The following ZNF678 variants were observed in gnomAD, a reference collection of about 807,000 sequenced individuals.
ZNF678 encodes the protein zinc finger protein 678, also known as hypothetical protein MGC42493.
In ZNF678, 5 loss-of-function variants were observed where a neutral mutation model predicts 3.0. The observed-to-expected ratio is 1.69, with a 90% CI of 0.88 to 3.56. ZNF678 has a LOEUF of 3.56. Among genes scored for constraint, ZNF678 ranks in the 30% most tolerant of loss-of-function variants. The pLI is 0.00. For synonymous variants in ZNF678, 218 were observed against 199.6 expected (o/e 1.09, Z -0.78); for missense variants, 593 against 605.0 (o/e 0.98, Z 0.21).
At chr1:227,571,401 C>T (rs1383424553) in intron 1 of ZNF678, among the ~76,000 whole-genome samples, 1 of 152,112 alleles carries the variant, frequency 6.6e-6, no homozygotes, top group Non-Finnish European at 1.5e-5. Flanking sequence ...TCCATGTTGA[C>T]TGTATTTTTA....
At chr1:227,583,094 A>G (rs11582235) in intron 1 of ZNF678, among the ~76,000 whole-genome samples, 4,615 of 152,094 alleles carry the variant, frequency 0.03, 110 homozygotes, top group Non-Finnish European at 0.044. Flanking sequence ...TATTTTACTT[A>G]TTATGTATCC....
At chr1:227,590,038 TG>T (rs1174038103) in intron 1 of ZNF678, among the ~76,000 whole-genome samples, 2 of 151,848 alleles carry the variant, frequency 1.3e-5, no homozygotes, top group African/African-American at 4.8e-5. Context: ...TGAAGCATTC[TG>T]GTGAACTAGA....
rs79145640 is a variant in ZNF678 at position 227,646,527 on chromosome 1, ATT to A, written c.-163-13_-163-12del. ...TGGCACATTTTGTAAATACGTGTGT[ATT>A]TTTCCCCCCCCCAGGGACTACTGGC... is the stretch of plus-strand genomic sequence containing the variant. On this transcript the variant is annotated splice_polypyrimidine_tract_variant and intron_variant, in intron 1 of 3. Coordinates refer to ENST00000343776, the MANE Select transcript of ZNF678 (RefSeq NM_001367909.1). 44 of 1,322,774 alleles carry A rather than the reference ATT, an allele frequency of 3.3e-5. No individual in the cohort carries two copies. In the African/African-American group the frequency reaches 7.1e-4, roughly 21 times the overall value. 81.9% of individuals were successfully genotyped at this position (1,322,774 alleles called of 1,614,324 possible).
intron 1 of ZNF678, among the ~76,000 whole-genome samples, chr1:227,646,119 A>G (rs149706886): frequency 0.011 from 1,690 of 152,326 alleles, 12 homozygotes; most frequent in Non-Finnish European, 0.017. Flanking sequence ...TCAAAATTCA[A>G]AAAGTCAGGT....
chr1:227,643,329 A>G (rs1004283264), intron 1 of ZNF678, among the ~76,000 whole-genome samples: 1 of 152,230 alleles, frequency 6.6e-6, no homozygotes, highest in African/African-American at 2.4e-5. Flanking sequence ...AGGTTACAGA[A>G]TAGAGAATTG....
intron 1 of ZNF678, among the ~76,000 whole-genome samples, chr1:227,604,693 T>C (rs1159734121): frequency 6.6e-6 from 1 of 152,178 alleles, no homozygotes; most frequent in Non-Finnish European, 1.5e-5. Context: ...CCGGCCTCCC[T>C]GAAGTTTTGA....
chr1:227,659,170 T>G lies in ZNF678; in HGVS notation c.*3342T>G, dbSNP rs1017475134. ...AAATTTAATTTAAATTTCTAAATGC[T>G]TCTGTGGATTTAAATTTTGGAATAA... On this transcript the variant is annotated 3_prime_UTR_variant, in exon 4 of 4. Coordinates refer to ENST00000343776, the MANE Select transcript of ZNF678 (RefSeq NM_001367909.1). 7.2e-5 allele frequency: 11 copies of G among 152,142 alleles called. No homozygotes were observed. Among genetic ancestry groups the G allele is most frequent in the African/African-American group, 2.4e-4 (10 of 41,446 alleles). 9.4% of individuals were successfully genotyped at this position (152,142 alleles called of 1,614,324 possible).
rs566635007 is a variant in ZNF678, at chr1:227,592,277, C to G, written c.-164+28553C>G. Among the ~76,000 whole-genome samples the G allele has an allele frequency of 5.3e-5, 8 of 152,312 alleles. No homozygotes were observed. In the East Asian group the frequency reaches 1.3e-3, roughly 26 times the overall value. On this transcript the variant is annotated intron_variant, in intron 1 of 3. Coordinates refer to ENST00000343776, the MANE Select transcript of ZNF678 (RefSeq NM_001367909.1). ...GATGTCCTTTGGTATTTATTAAAGTCACCACAGCATGGGGGGATTTTAGGT... is the reference window on the plus strand; with the variant it reads ...GATGTCCTTTGGTATTTATTAAAGTGACCACAGCATGGGGGGATTTTAGGT...
intron 1 of ZNF678, among the ~76,000 whole-genome samples, chr1:227,566,638 T>A (rs571254719): frequency 6.6e-6 from 1 of 152,360 alleles, no homozygotes; most frequent in South Asian, 2.1e-4. Context: ...TCCCTGAGTT[T>A]GTCACCTTAA....
chr1:227,672,456 G>A (rs989769051), intron 5 of ZNF678, among the ~76,000 whole-genome samples: 2 of 152,092 alleles, frequency 1.3e-5, no homozygotes. Flanking sequence ...AAAGAAAACA[G>A]AGGGGCAGAG....
At chr1:227,637,807 G>A (rs61322441) in intron 1 of ZNF678, among the ~76,000 whole-genome samples, 32,011 of 152,074 alleles carry the variant, frequency 0.21, 3,496 homozygotes, top group East Asian at 0.28. Flanking sequence ...TTTCTTGCTT[G>A]GTTTGCGGAG....
intron 2 of ZNF678, 70 bp downstream of exon 2, chr1:227,646,740 GTT>G (rs1658969815): frequency 6.2e-6 from 8 of 1,282,232 alleles, no homozygotes; most frequent in South Asian, 2.6e-5. Flanking sequence ...CTCCTGAAAT[GTT>G]ACCTGAGAGT....
intron 1 of ZNF678, among the ~76,000 whole-genome samples, chr1:227,606,667 C>T (rs866096672): frequency 6.6e-6 from 1 of 152,134 alleles, no homozygotes; most frequent in Non-Finnish European, 1.5e-5. Flanking sequence ...CTCAGGCTGT[C>T]TCAGTGGCGG....
chr1:227,646,801 T>G, intron 2 of ZNF678, 131 bp downstream of exon 2: 1 of 828,662 alleles, frequency 1.2e-6, no homozygotes, highest in Non-Finnish European at 1.7e-6. Flanking sequence ...AAGGAAAACT[T>G]GGGAATTTGT....
Position 227,657,484 on chromosome 1 carries a change from A to G in ZNF678, c.*1656A>G, listed in dbSNP as rs1659280459. 1 of 151,978 alleles carries G rather than the reference A, an allele frequency of 6.6e-6. No individual in the cohort carries two copies. The highest frequency in any genetic ancestry group is 1.5e-5 in the Non-Finnish European group (1 of 67,912). 9.4% of individuals were successfully genotyped at this position (151,978 alleles called of 1,614,324 possible). ...AAATACTGGACAATGATACTCTTATATAATCTTCAGTATAACCATTATAAT... is the reference window on the plus strand; with the variant it reads ...AAATACTGGACAATGATACTCTTATGTAATCTTCAGTATAACCATTATAAT... On this transcript the variant is annotated 3_prime_UTR_variant, in exon 4 of 4. Coordinates refer to ENST00000343776, the MANE Select transcript of ZNF678 (RefSeq NM_001367909.1).
At chr1:227,578,401 A>G (rs768149448) in intron 1 of ZNF678, among the ~76,000 whole-genome samples, 16 of 152,172 alleles carry the variant, frequency 1.1e-4, no homozygotes, top group Non-Finnish European at 2.1e-4. Flanking sequence ...TTCTCTTTAC[A>G]TAACATGATA....
At chr1:227,639,216 G>A (rs561923946) in intron 1 of ZNF678, among the ~76,000 whole-genome samples, 1 of 152,340 alleles carries the variant, frequency 6.6e-6, no homozygotes, top group South Asian at 2.1e-4. Flanking sequence ...GGCCTTCATT[G>A]CCGCACTTGA....
At chr1:227,641,013 C>G (rs1017847503) in intron 1 of ZNF678, among the ~76,000 whole-genome samples, 1 of 152,254 alleles carries the variant, frequency 6.6e-6, no homozygotes, top group South Asian at 2.1e-4. Context: ...GATTTTCAGA[C>G]CGGAGAAATC....
rs1359075965 is a variant in ZNF678 at position 227,659,157 on chromosome 1, A to C, written c.*3329A>C. The C allele has an allele frequency of 6.6e-6, 1 of 152,098 alleles. No homozygotes were observed. Among genetic ancestry groups the C allele is most frequent in the Non-Finnish European group, 1.5e-5 (1 of 67,992 alleles). The allele number at this position is 152,098 out of a possible 1,614,324, so 9.4% of individuals were successfully genotyped here. A position where few individuals can be genotyped will look rare whatever the true frequency, so the allele number is the denominator to read the frequency against. On this transcript the variant is annotated 3_prime_UTR_variant, in exon 4 of 4. Transcript: ENST00000343776. ...TATTTAATTTTTCAAATTTAATTTA[A>C]ATTTCTAAATGCTTCTGTGGATTTA...
Sources: gnomAD v4.1 joint callset for allele counts (sites outside exome capture counted in the v4.1 genomes callset) on GRCh38, gnomAD v4.1.1 for gene constraint, MANE v1.5 for transcripts, NCBI Gene and HGNC (gene_info 2026-07-23, HGNC 2026-07-21) for gene names.